The following ST18 variants were observed in gnomAD, a reference collection of about 807,000 sequenced individuals.
The protein encoded by ST18 is suppression of tumorigenicity 18 protein.
ST18 carries 50 observed loss-of-function variants against 110.0 expected under a neutral mutation model. That is an observed-to-expected ratio of 0.45 (90% confidence interval 0.36 to 0.58). The LOEUF (loss-of-function observed/expected upper bound fraction) is 0.58, where lower values mean the gene tolerates loss of function less well. Among genes scored for constraint, ST18 ranks in the 20% least tolerant of loss-of-function variants. The pLI, the probability that ST18 is intolerant of heterozygous loss-of-function variation, is 0.00. For missense variants in ST18, 1,306 were observed against 1,280.1 expected (o/e 1.02, Z -0.31); for synonymous variants, 461 against 452.4 (o/e 1.02, Z -0.24).
chr8:52,166,427 G>A (rs921235907), intron 11 of ST18, among the ~76,000 whole-genome samples: 13 of 152,164 alleles, frequency 8.5e-5, no homozygotes, highest in African/African-American at 2.9e-4. Context: ...CAGACAACTA[G>A]GGACAGCCCC....
rs10547061 is a variant in ST18 at position 52,253,978 on chromosome 8, TGAGAGAGA to T, written c.-464-23909_-464-23902del. ...CAAAGAGAGTGAAAGTGTGAGAGATTGAGAGAGAGAGAGAGAGAGAGAGAGACAGAGAG... is the reference window on the plus strand; with the variant it reads ...CAAAGAGAGTGAAAGTGTGAGAGATTGAGAGAGAGAGAGAGAGACAGAGAG... On this transcript the variant is annotated intron_variant, in intron 2 of 25. Coordinates refer to ENST00000689386, the MANE Select transcript of ST18 (RefSeq NM_001352837.2). Among the ~76,000 whole-genome samples the T allele has an allele frequency of 6.5e-4, 97 of 149,680 alleles. 1 individual carries two copies. Among genetic ancestry groups the T allele is most frequent in the Admixed American group, 1.2e-3 (18 of 15,020 alleles).
At chr8:52,118,982 G>A (rs2043590585) in intron 23 of ST18, among the ~76,000 whole-genome samples, 1 of 152,174 alleles carries the variant, frequency 6.6e-6, no homozygotes, top group African/African-American at 2.4e-5. Context: ...CATGATGGGA[G>A]GCAGAGCTGC....
chr8:52,138,471 C>A (rs1396259977), intron 17 of ST18, among the ~76,000 whole-genome samples: 1 of 152,170 alleles, frequency 6.6e-6, no homozygotes, highest in African/African-American at 2.4e-5. Flanking sequence ...ATATAATCAG[C>A]TACTCAGGAA....
At chr8:52,232,557 G>T (rs1419536265) in intron 2 of ST18, among the ~76,000 whole-genome samples, 1 of 151,976 alleles carries the variant, frequency 6.6e-6, no homozygotes, top group Non-Finnish European at 1.5e-5. Context: ...TAAATACAGT[G>T]GTATATGAGG....
chr8:52,212,101 C>T lies in ST18; in HGVS notation c.64G>A (p.Asp22Asn), dbSNP rs1009255687. ...TRSKGTEVPM[D>N]SLIQELSVAY... ...TACCTGAGCTCCTGGATTAGTGAAT[C>T]CATTGGCACTGTTGACAAAAGAAGA... is the stretch of plus-strand genomic sequence containing the variant. Residue 22 changes from aspartate (D) to asparagine (N), a missense_variant, in exon 8 of 26, where the codon GAT becomes AAT. Transcript: ENST00000689386. 1 of 1,603,806 alleles carries T rather than the reference C, an allele frequency of 6.2e-7. No individual in the cohort carries two copies. The highest frequency in any genetic ancestry group is 8.5e-7 in the Non-Finnish European group (1 of 1,177,888).
chr8:52,343,152 C>T (rs2140226030), intron 2 of ST18, among the ~76,000 whole-genome samples: 1 of 152,220 alleles, frequency 6.6e-6, no homozygotes, highest in Non-Finnish European at 1.5e-5. Flanking sequence ...TCAGAAAGAG[C>T]TTTCAAGGAA....
intron 17 of ST18, among the ~76,000 whole-genome samples, chr8:52,138,794 G>A (rs1027246919): frequency 4.6e-5 from 7 of 152,124 alleles, no homozygotes; most frequent in South Asian, 2.1e-4. Context: ...CACCAGTCAC[G>A]CATCTGATCT....
At chr8:52,119,007 G>C (rs2043603730) in intron 23 of ST18, among the ~76,000 whole-genome samples, 1 of 152,178 alleles carries the variant, frequency 6.6e-6, no homozygotes, top group Non-Finnish European at 1.5e-5. Flanking sequence ...CTGCTGGCAG[G>C]TGAATTAGTG....
At position 52,214,209 on chromosome 8, in the gene ST18, T is replaced by C. The variant is rs775154209; in HGVS notation, c.49A>G (p.Thr17Ala). 2.5e-6 allele frequency: 4 copies of C among 1,614,018 alleles called. No individual in the cohort carries two copies. Among genetic ancestry groups the C allele is most frequent in the African/African-American group, 2.7e-5 (2 of 75,014 alleles). ...AACCTGCTTGCTAACTCACCCTCGG[T>C]TCCTTTAGAGCGAGTACGCAGCGTT... ...DKTLRTRSKG[T>A]EVPMDSLIQE... The change falls in exon 7 of 26, where the codon ACC (threonine) becomes GCC (alanine). Residue 17 changes from threonine (T) to alanine (A), a missense_variant. Physicochemically the swap from Thr to Ala is moderately conservative, Grantham distance 58. Coordinates refer to ENST00000689386, the MANE Select transcript of ST18 (RefSeq NM_001352837.2).
At chr8:52,273,833 G>A (rs2095152782) in intron 2 of ST18, among the ~76,000 whole-genome samples, 1 of 152,170 alleles carries the variant, frequency 6.6e-6, no homozygotes, top group African/African-American at 2.4e-5. Context: ...TAATCATCAA[G>A]CACACTAATT....
chr8:52,350,765 G>C (rs1590152510), intron 2 of ST18, among the ~76,000 whole-genome samples: 1 of 150,992 alleles, frequency 6.6e-6, no homozygotes, highest in African/African-American at 2.4e-5. Flanking sequence ...CTGTTGCCCA[G>C]GCTGAAGTGC....
chr8:52,172,350 G>A lies in ST18; in HGVS notation c.511C>T (p.His171Tyr), dbSNP rs760789429. 2.5e-5 allele frequency: 40 copies of A among 1,614,040 alleles called. No individual in the cohort carries two copies. The highest frequency in any genetic ancestry group is 3.1e-5 in the Non-Finnish European group (36 of 1,180,048). The change falls in exon 10 of 26, where the codon CAT becomes TAT. Residue 171 changes from histidine (H) to tyrosine (Y), a missense_variant. Transcript: ENST00000689386. Reference sequence around the variant, plus strand: ...ATCTTGTCTCTTCCATCATCAGAATGAATCAGAAAGCACTCGTCTGCTTCA... The same window carrying A: ...ATCTTGTCTCTTCCATCATCAGAATAAATCAGAAAGCACTCGTCTGCTTCA... ...SDEADECFLI[H>Y]SDDGRDKIDD...
At chr8:52,165,260 T>G in intron 11 of ST18, 35 bp from the exon 12 acceptor site, 1 of 1,606,080 alleles carries the variant, frequency 6.2e-7, no homozygotes, top group East Asian at 2.2e-5. Flanking sequence ...GAAAGAATAC[T>G]TTACCATAAA....
At chr8:52,375,373 G>C (rs11781033) in intron 2 of ST18, among the ~76,000 whole-genome samples, 114,705 of 152,032 alleles carry the variant, frequency 0.75, 48,188 homozygotes, top group Non-Finnish European at 0.93. Context: ...GCTTCCCTTA[G>C]CAGGGCCCCC....
chr8:52,250,902 C>T (rs2094263700), intron 2 of ST18, among the ~76,000 whole-genome samples: 2 of 152,128 alleles, frequency 1.3e-5, no homozygotes, highest in African/African-American at 4.8e-5. Context: ...TTTTCCAACA[C>T]CTTATCACAT....
At chr8:52,215,614 G>C (rs1588653130) in intron 6 of ST18, among the ~76,000 whole-genome samples, 2 of 152,328 alleles carry the variant, frequency 1.3e-5, no homozygotes, top group East Asian at 3.9e-4. Context: ...CACTGCCTTT[G>C]CTGAACAGCA....
At chr8:52,158,057 T>A (rs572774849) in intron 15 of ST18, among the ~76,000 whole-genome samples, 2 of 152,364 alleles carry the variant, frequency 1.3e-5, no homozygotes, top group South Asian at 4.1e-4. Context: ...AAATAGGAGT[T>A]CCTGCTCCAG....
intron 2 of ST18, among the ~76,000 whole-genome samples, chr8:52,247,129 T>A (rs890714255): frequency 6.6e-6 from 1 of 152,134 alleles, no homozygotes; most frequent in African/African-American, 2.4e-5. Context: ...TCTACTACAG[T>A]CCTCTGAACT....
intron 22 of ST18, among the ~76,000 whole-genome samples, chr8:52,130,118 G>GAAAAGAAAGA (rs1236498199): frequency 1.0e-4 from 4 of 39,324 alleles, no homozygotes; most frequent in Non-Finnish European, 2.2e-4. Context: ...AAGAAAGAAA[G>GAAAAGAAAGA]AAAAGAAAGA....
Sources: gnomAD v4.1 joint callset for allele counts (sites outside exome capture counted in the v4.1 genomes callset) on GRCh38, gnomAD v4.1.1 for gene constraint, MANE v1.5 for transcripts, NCBI Gene and HGNC (gene_info 2026-07-23, HGNC 2026-07-21) for gene names.